Variants in PPA2 observed in about 807,000 individuals in gnomAD.
The protein encoded by PPA2 is inorganic pyrophosphatase 2, also known as inorganic pyrophosphatase 2, mitochondrial.
Under a neutral mutation model 49.5 loss-of-function variants are expected in PPA2, and 48 were observed. The observed-to-expected ratio is 0.97, with a 90% CI of 0.77 to 1.23. PPA2 has a LOEUF of 1.23. PPA2 is among the 50% of genes most tolerant of loss of function. The probability of loss-of-function intolerance (pLI) is 0.00; values close to 1 mark genes in which losing one functional copy is unlikely to be tolerated. For synonymous variants in PPA2, 131 were observed against 139.9 expected (o/e 0.94, Z 0.45); for missense variants, 429 against 410.1 (o/e 1.05, Z -0.40).
At chr4:105,381,251 T>C (rs56184249) in intron 10 of PPA2, among the ~76,000 whole-genome samples, 18,504 of 152,084 alleles carry the variant, frequency 0.12, 1,179 homozygotes, top group African/African-American at 0.15. Flanking sequence ...TTCTTGTGAG[T>C]TTGAATAAGT....
At chr4:105,433,160 G>A (rs538562693) in intron 6 of PPA2, among the ~76,000 whole-genome samples, 1 of 151,732 alleles carries the variant, frequency 6.6e-6, no homozygotes, top group African/African-American at 2.4e-5. Context: ...AGTTTTTTTT[G>A]AAAAGTATAC....
chr4:105,399,307 T>TCAC (rs1560612591), intron 7 of PPA2, 143 bp from the exon 8 acceptor site: 2 of 719,148 alleles, frequency 2.8e-6, no homozygotes, highest in African/African-American at 3.5e-5. Flanking sequence ...TAGAGCAGCA[T>TCAC]CATCATTGAT....
At chr4:105,429,604 C>G (rs903131219) in intron 6 of PPA2, among the ~76,000 whole-genome samples, 2 of 152,210 alleles carry the variant, frequency 1.3e-5, no homozygotes, top group East Asian at 3.9e-4. Context: ...ACAGTTTCAA[C>G]CTATTGCAAT....
At chr4:105,397,407 A>C (rs896710639) in intron 8 of PPA2, among the ~76,000 whole-genome samples, 12 of 152,212 alleles carry the variant, frequency 7.9e-5, no homozygotes, top group African/African-American at 2.9e-4. Context: ...ATAGATTTTT[A>C]ATCAAATTAT....
At chr4:105,448,055 GT>G in intron 4 of PPA2, 1 of 400,842 alleles carries the variant, frequency 2.5e-6, no homozygotes, top group South Asian at 1.9e-5. Flanking sequence ...CTCAAAGTTA[GT>G]TTTCTATCAT....
chr4:105,397,354 G>A (rs73838083), intron 8 of PPA2, among the ~76,000 whole-genome samples: 2,092 of 152,252 alleles, frequency 0.014, 47 homozygotes, highest in African/African-American at 0.046. Context: ...TCTCACTTCA[G>A]ATACAGGACA....
chr4:105,436,207 C>CCACACACACACACGCATCATACACA (rs1037091959), intron 6 of PPA2, among the ~76,000 whole-genome samples: 2 of 150,840 alleles, frequency 1.3e-5, no homozygotes, highest in African/African-American at 4.9e-5. Context: ...TTTGCAACAG[C>CCACACACACACACGCATCATACACA]CACACACACA....
intron 1 of PPA2, among the ~76,000 whole-genome samples, chr4:105,457,041 T>G (rs1165086473): frequency 6.6e-6 from 1 of 151,146 alleles, no homozygotes; most frequent in African/African-American, 2.4e-5. Flanking sequence ...AAAATACATA[T>G]TAAAAAAAAA....
intron 1 of PPA2, among the ~76,000 whole-genome samples, chr4:105,461,754 A>G (rs1723101323): frequency 6.6e-6 from 1 of 152,222 alleles, no homozygotes; most frequent in Non-Finnish European, 1.5e-5. Flanking sequence ...TGCATTAAGC[A>G]ATATGTATTT....
chr4:105,447,482 T>G (rs1346559990), intron 4 of PPA2, among the ~76,000 whole-genome samples: 2 of 152,200 alleles, frequency 1.3e-5, no homozygotes, highest in Non-Finnish European at 1.5e-5. Flanking sequence ...TTGATGAGTA[T>G]AGTTAATAAC....
chr4:105,399,637 AC>A (rs1734281859), intron 7 of PPA2: 1 of 152,976 alleles, frequency 6.5e-6, no homozygotes, highest in African/African-American at 2.4e-5. Context: ...GGTAGAAGGA[AC>A]AGCACACATA....
rs137889019 is a variant in PPA2 at position 105,431,293 on chromosome 4, A to G, written c.528+6657T>C. Among the ~76,000 whole-genome samples the G allele has an allele frequency of 3.0e-3, 455 of 152,324 alleles. 5 individuals are homozygous for G. Among genetic ancestry groups the G allele is most frequent in the African/African-American group, 0.011 (439 of 41,580 alleles). On this transcript the variant is annotated intron_variant, in intron 6 of 11. Transcript: ENST00000341695. The stretch of plus-strand genomic sequence containing the variant: ...AAAAATCTACTTCACATTTATGGCT[A>G]AAACTATTTTTTTAAATGCATTATT...
chr4:105,445,263 C>T (rs11097888), intron 5 of PPA2, among the ~76,000 whole-genome samples: 14,101 of 152,198 alleles, frequency 0.093, 1,349 homozygotes, highest in African/African-American at 0.25. Flanking sequence ...ACATTTCCTA[C>T]AGGCTGCATC....
intron 3 of PPA2, among the ~76,000 whole-genome samples, chr4:105,452,348 G>A (rs28414889): frequency 2.1e-4 from 32 of 152,132 alleles, no homozygotes; most frequent in African/African-American, 6.8e-4. Context: ...TAAGTCCCCT[G>A]GGGATCTGGA....
intron 10 of PPA2, among the ~76,000 whole-genome samples, chr4:105,382,526 T>C (rs148573137): frequency 1.1e-3 from 174 of 152,260 alleles, no homozygotes; most frequent in Non-Finnish European, 2.3e-3. Flanking sequence ...TGTCTTTGCA[T>C]ACACATACAC....
At chr4:105,408,143 T>G (rs548835933) in intron 7 of PPA2, among the ~76,000 whole-genome samples, 1 of 151,884 alleles carries the variant, frequency 6.6e-6, no homozygotes, top group Non-Finnish European at 1.5e-5. Context: ...AACAAAACAG[T>G]GTGGGAGTGA....
At chr4:105,449,518 G>T in intron 3 of PPA2, 115 bp from the exon 4 acceptor site, 1 of 607,452 alleles carries the variant, frequency 1.6e-6, no homozygotes, top group Non-Finnish European at 2.8e-6. Context: ...AAAATGTTGA[G>T]TCTCCATCAT....
chr4:105,396,970 T>C (rs1301470633), intron 8 of PPA2, among the ~76,000 whole-genome samples: 1 of 152,178 alleles, frequency 6.6e-6, no homozygotes, highest in African/African-American at 2.4e-5. Context: ...GCAGTACATC[T>C]CCTTGACATT....
At chr4:105,375,035 G>A (rs1408910797) in intron 10 of PPA2, among the ~76,000 whole-genome samples, 1 of 151,652 alleles carries the variant, frequency 6.6e-6, no homozygotes, top group African/African-American at 2.4e-5. Flanking sequence ...TCATAAAGCA[G>A]TTATGCTACA....
Sources: gnomAD v4.1 joint callset for allele counts (sites outside exome capture counted in the v4.1 genomes callset) on GRCh38, gnomAD v4.1.1 for gene constraint, MANE v1.5 for transcripts, NCBI Gene and HGNC (gene_info 2026-07-23, HGNC 2026-07-21) for gene names.